SLC9A9: variants seen among roughly 807,000 people sequenced by gnomAD.
SLC9A9 encodes sodium/hydrogen exchanger 9.
A neutral mutation model predicts 77.8 loss-of-function variants in SLC9A9; 62 were observed. That is an observed-to-expected ratio of 0.80 (90% confidence interval 0.65 to 0.98). The LOEUF (loss-of-function observed/expected upper bound fraction) is 0.98. Among genes scored for constraint, SLC9A9 ranks in the 50% least tolerant of loss-of-function variants. The pLI is 0.00. For synonymous variants in SLC9A9, 320 were observed against 283.5 expected (o/e 1.13, Z -1.29); for missense variants, 775 against 774.9 (o/e 1.00, Z 0.00).
intron 6 of SLC9A9, chr3:143,626,789 A>G (rs900312350): frequency 6.6e-6 from 1 of 152,026 alleles, no homozygotes; most frequent in Non-Finnish European, 1.5e-5. Flanking sequence ...AAGAAATAGG[A>G]GAAACAAAAA....
intron 4 of SLC9A9, among the ~76,000 whole-genome samples, chr3:143,748,416 C>G (rs1392683042): frequency 6.6e-6 from 1 of 152,184 alleles, no homozygotes; most frequent in Non-Finnish European, 1.5e-5. Flanking sequence ...ATGTCTGGAC[C>G]TCAACTGGCT....
intron 2 of SLC9A9, among the ~76,000 whole-genome samples, chr3:143,819,447 A>C (rs913028332): frequency 6.6e-6 from 1 of 152,208 alleles, no homozygotes. Flanking sequence ...AAGGACATTG[A>C]ACTTGGAGTC....
At chr3:143,826,200 A>G (rs1293710470) in intron 2 of SLC9A9, among the ~76,000 whole-genome samples, 2 of 150,958 alleles carry the variant, frequency 1.3e-5, no homozygotes, top group African/African-American at 4.9e-5. Flanking sequence ...CAGAGGTTGC[A>G]GTGAGCTGGA....
chr3:143,612,923 T>A (rs2038045635), intron 6 of SLC9A9, among the ~76,000 whole-genome samples: 1 of 152,140 alleles, frequency 6.6e-6, no homozygotes, highest in African/African-American at 2.4e-5. Context: ...CTGATATGGA[T>A]TTTTTCCCCT....
In SLC9A9 at chr3:143,848,371, T is replaced by C. The variant is rs2009875999; in HGVS notation, c.-49A>G. 1 of 1,612,264 alleles carries C rather than the reference T, an allele frequency of 6.2e-7. No individual in the cohort carries two copies. The highest frequency in any genetic ancestry group is 1.1e-5 in the South Asian group (1 of 91,034). On this transcript the variant is annotated 5_prime_UTR_variant, in exon 1 of 16. Transcript: ENST00000316549. ...TAGATAAAAACCTGGATAAAGGCTA[T>C]TTTATCAAGATTTGCCTAAGACAGT...
intron 14 of SLC9A9, among the ~76,000 whole-genome samples, chr3:143,344,053 G>A (rs531610231): frequency 6.6e-6 from 1 of 152,310 alleles, no homozygotes; most frequent in East Asian, 1.9e-4. Context: ...GATTCATTAA[G>A]TGGACAGATT....
chr3:143,666,057 C>T (rs539282646), intron 5 of SLC9A9, among the ~76,000 whole-genome samples: 190 of 152,244 alleles, frequency 1.2e-3, no homozygotes, highest in African/African-American at 4.3e-3. Flanking sequence ...ACCAATATCC[C>T]TGATGAACAT....
intron 2 of SLC9A9, among the ~76,000 whole-genome samples, chr3:143,807,809 G>C (rs1031685714): frequency 7.9e-5 from 12 of 152,166 alleles, no homozygotes; most frequent in African/African-American, 2.7e-4. Context: ...AGGCCAGAGG[G>C]GCTGGGTGGA....
At chr3:143,349,827 C>T (rs564133228) in intron 14 of SLC9A9, among the ~76,000 whole-genome samples, 53 of 152,300 alleles carry the variant, frequency 3.5e-4, no homozygotes, top group African/African-American at 1.3e-3. Context: ...GCACAAAATA[C>T]TAAAATAAGT....
intron 4 of SLC9A9, among the ~76,000 whole-genome samples, chr3:143,719,510 A>G (rs887820215): frequency 4.6e-5 from 7 of 151,874 alleles, no homozygotes; most frequent in Admixed American, 3.9e-4. Context: ...CTTTGCCCCA[A>G]TTAATTGAGA....
chr3:143,691,878 AG>A (rs1229134858), intron 5 of SLC9A9, among the ~76,000 whole-genome samples: 2 of 152,142 alleles, frequency 1.3e-5, no homozygotes, highest in African/African-American at 4.8e-5. Flanking sequence ...GAGTAATAAA[AG>A]CATCTTGTTC....
intron 6 of SLC9A9, among the ~76,000 whole-genome samples, chr3:143,598,679 G>A (rs1452580798): frequency 6.6e-6 from 1 of 152,214 alleles, no homozygotes; most frequent in Non-Finnish European, 1.5e-5. Flanking sequence ...CTGAAGTCCC[G>A]TGGCCTCCTA....
At chr3:143,641,449 A>C (rs548040908) in intron 6 of SLC9A9, among the ~76,000 whole-genome samples, 318 of 124,622 alleles carry the variant, frequency 2.6e-3, no homozygotes, top group Non-Finnish European at 4.1e-3. Flanking sequence ...AACAGAGTGC[A>C]GTGGCGCAAT....
chr3:143,537,235 T>C (rs2036604531), intron 9 of SLC9A9, among the ~76,000 whole-genome samples: 1 of 152,226 alleles, frequency 6.6e-6, no homozygotes, highest in Admixed American at 6.5e-5. Context: ...CACTCCAGAC[T>C]AAATAAATTA....
intron 12 of SLC9A9, among the ~76,000 whole-genome samples, chr3:143,429,129 C>G (rs763068282): frequency 6.6e-6 from 1 of 152,156 alleles, no homozygotes; most frequent in Non-Finnish European, 1.5e-5. Context: ...TGTATACATG[C>G]ATTGAAATAT....
intron 12 of SLC9A9, among the ~76,000 whole-genome samples, chr3:143,396,035 G>A (rs555443564): frequency 6.6e-6 from 1 of 152,336 alleles, no homozygotes; most frequent in South Asian, 2.1e-4. Context: ...GTGGAAGTCA[G>A]TGTGGCGATT....
intron 9 of SLC9A9, among the ~76,000 whole-genome samples, chr3:143,542,542 C>T (rs7627061): frequency 0.21 from 31,589 of 151,914 alleles, 3,292 homozygotes; most frequent in Non-Finnish European, 0.22. Context: ...AATCAAAAAC[C>T]CACTGTAATG....
chr3:143,607,486 A>G (rs2037947181), intron 6 of SLC9A9, among the ~76,000 whole-genome samples: 1 of 152,146 alleles, frequency 6.6e-6, no homozygotes, highest in African/African-American at 2.4e-5. Context: ...TAGCATAAAT[A>G]ACGGAAGGGA....
At chr3:143,634,700 A>G (rs1211346717) in intron 6 of SLC9A9, among the ~76,000 whole-genome samples, 2 of 152,184 alleles carry the variant, frequency 1.3e-5, no homozygotes, top group South Asian at 2.1e-4. Context: ...ATTTTCTGCA[A>G]GTCCTTCAGA....
Sources: gnomAD v4.1 joint callset for allele counts (sites outside exome capture counted in the v4.1 genomes callset) on GRCh38, gnomAD v4.1.1 for gene constraint, MANE v1.5 for transcripts, NCBI Gene and HGNC (gene_info 2026-07-23, HGNC 2026-07-21) for gene names.